Variants in ASTN2 observed in about 807,000 individuals in gnomAD.
The protein encoded by ASTN2 is astrotactin-2.
In ASTN2, 54 loss-of-function variants were observed where a neutral mutation model predicts 139.8. The ratio of observed to expected loss-of-function variants is 0.39; its 90% CI spans 0.31 to 0.48. The LOEUF (loss-of-function observed/expected upper bound fraction) is 0.48. ASTN2 is among the 20% of genes least tolerant of loss of function. ASTN2 has a pLI of 0.95. For missense variants in ASTN2, 1,565 were observed against 1,725.1 expected, an observed-to-expected ratio of 0.91 and a Z score of 1.64; for synonymous variants, 756 against 719.5, an observed-to-expected ratio of 1.05 and a Z score of -0.81.
intron 19 of ASTN2, among the ~76,000 whole-genome samples, chr9:116,597,182 C>A (rs1478909907): frequency 6.6e-6 from 1 of 151,954 alleles, no homozygotes; most frequent in Admixed American, 6.6e-5. Context: ...GGTAATTCTC[C>A]CCAGAACTCA....
chr9:116,664,297 T>C (rs1858734790), intron 16 of ASTN2, among the ~76,000 whole-genome samples: 1 of 151,788 alleles, frequency 6.6e-6, no homozygotes, highest in African/African-American at 2.4e-5. Context: ...CCTAGGTTGG[T>C]CTTGAACTTG....
intron 1 of ASTN2, among the ~76,000 whole-genome samples, chr9:117,374,718 C>T (rs373004776): frequency 8.5e-5 from 13 of 152,252 alleles, no homozygotes; most frequent in African/African-American, 2.6e-4. Flanking sequence ...TATAGTCTTG[C>T]TGAATAAAGC....
rs1829083517 is a variant in ASTN2, at chr9:117,342,234, A to G, written c.443-50721T>C. Among the ~76,000 whole-genome samples the G allele has an allele frequency of 2.0e-5, 3 of 152,226 alleles. No individual in the cohort carries two copies. The South Asian group carries it at 6.2e-4, about 32-fold the overall frequency. The stretch of plus-strand genomic sequence containing the variant: ...CAGAGACAGGAGAACCCACATGCTA[A>G]AATGCCAGATGGTTGGGAGCTTGAA... On this transcript the variant is annotated intron_variant, in intron 1 of 22. Coordinates refer to ENST00000313400, the MANE Select transcript of ASTN2 (RefSeq NM_001365068.1).
intron 17 of ASTN2, among the ~76,000 whole-genome samples, chr9:116,628,397 A>C (rs1433096156): frequency 6.6e-6 from 1 of 152,130 alleles, no homozygotes; most frequent in Admixed American, 6.5e-5. Context: ...AAATCACTGC[A>C]TTGCTATTTC....
chr9:117,130,235 G>T (rs1829795986), intron 4 of ASTN2, among the ~76,000 whole-genome samples: 1 of 152,166 alleles, frequency 6.6e-6, no homozygotes, highest in Non-Finnish European at 1.5e-5. Flanking sequence ...CTTGAGCCCT[G>T]GAGGTTGTGG....
intron 6 of ASTN2, among the ~76,000 whole-genome samples, chr9:117,018,680 G>T (rs998388042): frequency 6.6e-6 from 1 of 152,122 alleles, no homozygotes; most frequent in African/African-American, 2.4e-5. Context: ...GTGACCCTGG[G>T]AAATGCTTGA....
chr9:116,475,803 A>C (rs1269822613), intron 20 of ASTN2, among the ~76,000 whole-genome samples: 2 of 151,526 alleles, frequency 1.3e-5, no homozygotes, highest in African/African-American at 4.9e-5. Flanking sequence ...GCTTCCCCAT[A>C]CTCCTCATGG....
chr9:117,023,253 AC>A (rs1445024650), intron 6 of ASTN2, among the ~76,000 whole-genome samples: 1 of 152,122 alleles, frequency 6.6e-6, no homozygotes, highest in Non-Finnish European at 1.5e-5. Flanking sequence ...TGCCCATTCC[AC>A]AGAAAAGCTT....
chr9:117,272,034 A>G (rs1172664912), intron 2 of ASTN2, among the ~76,000 whole-genome samples: 1 of 152,168 alleles, frequency 6.6e-6, no homozygotes, highest in Admixed American at 6.5e-5. Flanking sequence ...CTCCAACCCC[A>G]CGTTTCTCTT....
chr9:116,955,427 T>C (rs1490446811), intron 10 of ASTN2, among the ~76,000 whole-genome samples: 1 of 152,226 alleles, frequency 6.6e-6, no homozygotes, highest in Non-Finnish European at 1.5e-5. Context: ...TGAGACCAAA[T>C]ATGTTGTGAC....
intron 1 of ASTN2, among the ~76,000 whole-genome samples, chr9:117,338,331 T>C (rs1828952957): frequency 6.6e-6 from 1 of 152,126 alleles, no homozygotes; most frequent in Non-Finnish European, 1.5e-5. Context: ...CATGCCCACT[T>C]AGCCTCTATT....
rs567243848 is a variant in ASTN2, at chr9:117,128,815, G to A, written c.1168+12511C>T. Among the ~76,000 whole-genome samples, 13 of 152,298 alleles carry A rather than the reference G, an allele frequency of 8.5e-5. No individual in the cohort carries two copies. The South Asian group carries it at 2.5e-3, about 29-fold the overall frequency. On this transcript the variant is annotated intron_variant, in intron 4 of 22. Coordinates refer to ENST00000313400, the MANE Select transcript of ASTN2 (RefSeq NM_001365068.1). ...GGTGTAGAAGCCTCACAATCATGGC[G>A]GAAGGCAAGGAGGAGCAAGTCCCAT...
intron 13 of ASTN2, among the ~76,000 whole-genome samples, chr9:116,756,147 G>A (rs6478249): frequency 1.3e-5 from 2 of 152,022 alleles, no homozygotes; most frequent in Admixed American, 1.3e-4. Flanking sequence ...GGCCCTCCTC[G>A]TCCACAGCCA....
In ASTN2 at chr9:116,876,686, G is replaced by C. The variant is rs77277648; in HGVS notation, c.1890-12953C>G. 6.8e-3 allele frequency among the ~76,000 whole-genome samples: 1,036 copies of C among 152,214 alleles called. 4 individuals are homozygous for C. The highest frequency in any genetic ancestry group is 0.015 in the Admixed American group (236 of 15,278). On this transcript the variant is annotated intron_variant, in intron 10 of 22. Transcript: ENST00000313400. ...GCTGTCAACACTGAAGCAATACCCTGCACCAGCAAAATGATTATGGCTCAC... is the reference window on the plus strand; with the variant it reads ...GCTGTCAACACTGAAGCAATACCCTCCACCAGCAAAATGATTATGGCTCAC...
intron 1 of ASTN2, among the ~76,000 whole-genome samples, chr9:117,345,954 C>T (rs1157531748): frequency 2.0e-5 from 3 of 146,738 alleles, no homozygotes; most frequent in Non-Finnish European, 4.5e-5. Context: ...AACTCCCATT[C>T]TGCCCATTCT....
chr9:116,845,936 T>C (rs774293468), intron 11 of ASTN2, among the ~76,000 whole-genome samples: 5 of 152,210 alleles, frequency 3.3e-5, no homozygotes, highest in Non-Finnish European at 7.3e-5. Context: ...ATTCATAGCA[T>C]TGTCATTCAT....
At chr9:117,327,147 G>A (rs971709925) in intron 1 of ASTN2, among the ~76,000 whole-genome samples, 1 of 152,092 alleles carries the variant, frequency 6.6e-6, no homozygotes. Context: ...CATATCTAAT[G>A]CCATGGCTGA....
intron 19 of ASTN2, among the ~76,000 whole-genome samples, chr9:116,518,651 A>G (rs1456178490): frequency 6.6e-6 from 1 of 152,190 alleles, no homozygotes; most frequent in East Asian, 1.9e-4. Context: ...CAATAAATAG[A>G]ATAGTACATA....
chr9:116,733,324 G>A, intron 14 of ASTN2, 75 bp downstream of exon 14: 1 of 1,569,600 alleles, frequency 6.4e-7, no homozygotes, highest in South Asian at 1.1e-5. Flanking sequence ...ATCTGCTGAA[G>A]ACTGATATGC....
Sources: allele counts gnomAD v4.1 joint callset (sites outside exome capture counted in the v4.1 genomes callset), GRCh38; gene constraint gnomAD v4.1.1; transcripts MANE v1.5; gene names NCBI Gene and HGNC (gene_info 2026-07-23, HGNC 2026-07-21).